Variants in ELF4 observed in about 807,000 individuals in gnomAD.
ELF4 encodes the protein ETS-related transcription factor Elf-4.
In ELF4, 10 loss-of-function variants were observed where a neutral mutation model predicts 31.7. The ratio of observed to expected loss-of-function variants is 0.32; its 90% CI spans 0.19 to 0.54. The LOEUF is 0.54. ELF4 is among the 20% of genes least tolerant of loss of function. The probability of loss-of-function intolerance (pLI) is 0.95; values close to 1 mark genes in which losing one functional copy is unlikely to be tolerated. For synonymous variants in ELF4, 208 were observed against 226.7 expected, an observed-to-expected ratio of 0.92 and a Z score of 0.74; for missense variants, 418 against 522.0, an observed-to-expected ratio of 0.80 and a Z score of 1.94.
At position 130,066,402 on chromosome X, in the gene ELF4, C is replaced by G; in HGVS notation, c.*319G>C. The stretch of plus-strand genomic sequence containing the variant: ...AGTGAGATAGAGCCAGGTAGAAGGG[C>G]TCTTCTCACAAAGCTGCTGCACAAA... On this transcript the variant is annotated 3_prime_UTR_variant, in exon 9 of 9. Transcript: ENST00000308167. The G allele has an allele frequency of 3.0e-6, 1 of 332,366 alleles. No homozygotes were observed. Among genetic ancestry groups the G allele is most frequent in the Non-Finnish European group, 5.2e-6 (1 of 190,487 alleles). 27.4% of individuals were successfully genotyped at this position (332,366 alleles called of 1,213,427 possible). A position where few individuals can be genotyped will look rare whatever the true frequency, so the allele number is the denominator to read the frequency against.
chrX:130,083,643 A>G (rs753221931), intron 1 of ELF4, among the ~76,000 whole-genome samples: 7 of 111,263 alleles, frequency 6.3e-5, no homozygotes, highest in Non-Finnish European at 1.3e-4. Context: ...GGCTACTTTT[A>G]TGTACCTTCC....
At chrX:130,089,675 C>T (rs1933022645) in intron 1 of ELF4, among the ~76,000 whole-genome samples, 1 of 111,525 alleles carries the variant, frequency 9.0e-6, no homozygotes, top group Non-Finnish European at 1.9e-5. Context: ...CAGCTAGTTG[C>T]ACTGTGACTC....
rs1778445138 is a variant in ELF4 at position 130,064,581 on chromosome X, A to C, written c.*2140T>G. On this transcript the variant is annotated 3_prime_UTR_variant, in exon 9 of 9. Coordinates refer to ENST00000308167, the MANE Select transcript of ELF4 (RefSeq NM_001421.4). ...TTGGGACTGGAGCTCTAGATTTAGG[A>C]CCCATCTCCGAGGAGCCAAAATGAG... 8.9e-6 allele frequency among the ~76,000 whole-genome samples: 1 copy of C among 111,972 alleles called. No individual in the cohort carries two copies. The highest frequency in any genetic ancestry group is 3.2e-5 in the African/African-American group (1 of 30,795).
intron 6 of ELF4, 22 bp downstream of exon 6, chrX:130,071,314 C>G: frequency 8.3e-7 from 1 of 1,211,670 alleles, no homozygotes; most frequent in Non-Finnish European, 1.1e-6. Context: ...CCCCACCTCA[C>G]CTGAGTCCCA....
At chrX:130,104,785 G>C (rs1180805627) in intron 1 of ELF4, among the ~76,000 whole-genome samples, 1 of 111,969 alleles carries the variant, frequency 8.9e-6, no homozygotes, top group Middle Eastern at 4.6e-3. Context: ...CACTGGAAGA[G>C]GAAAGGAAGC....
intron 8 of ELF4, among the ~76,000 whole-genome samples, chrX:130,067,830 T>C (rs1407057182): frequency 4.5e-5 from 5 of 109,928 alleles, no homozygotes; most frequent in African/African-American, 1.7e-4. Context: ...TTTTTTTTTT[T>C]GAGACGGAGT....
chrX:130,067,051 G>A lies in ELF4; in HGVS notation c.1662C>T (p.Ala554=), dbSNP rs1335218115. Residue 554 remains alanine (A), a synonymous_variant, in exon 9 of 9, where the codon GCC becomes GCT. Coordinates refer to ENST00000308167, the MANE Select transcript of ELF4 (RefSeq NM_001421.4). ...CAGGAACCAGCAGCCCCTCCATGGG[G>A]GCCCCCGTCACCATACCCTGAACAT... ...SSYVQGMVTG[A]PMEGLLVPEE... The A allele has an allele frequency of 5.8e-6, 7 of 1,210,734 alleles. No individual in the cohort carries two copies. In the African/African-American group the frequency reaches 7.0e-5, roughly 12 times the overall value.
intron 1 of ELF4, among the ~76,000 whole-genome samples, chrX:130,109,167 G>A (rs935283775): frequency 8.9e-6 from 1 of 112,235 alleles, no homozygotes; most frequent in South Asian, 3.7e-4. Flanking sequence ...TGGCACTCGG[G>A]CCAGGGGTCA....
chrX:130,107,696 G>A (rs977032340), intron 1 of ELF4, among the ~76,000 whole-genome samples: 1 of 112,419 alleles, frequency 8.9e-6, no homozygotes, highest in Non-Finnish European at 1.9e-5. Context: ...AGTTTTAGGC[G>A]CTGCATTAGG....
chrX:130,102,032 G>C (rs995057829), intron 1 of ELF4, among the ~76,000 whole-genome samples: 1 of 111,209 alleles, frequency 9.0e-6, no homozygotes, highest in Non-Finnish European at 1.9e-5. Context: ...TGCAATCCCA[G>C]CTACTTGGGA....
In ELF4 at chrX:130,103,167, A is replaced by C. The variant is rs147982728; in HGVS notation, c.-210+7158T>G. ...AGCACCAAAACTATGACCCATAAAA[A>C]GAAAAGTTGAAAAGTTGCACTTTCA... On this transcript the variant is annotated intron_variant, in intron 1 of 8. Transcript: ENST00000308167. Among the ~76,000 whole-genome samples, 24 of 112,528 alleles carry C rather than the reference A, an allele frequency of 2.1e-4. 1 individual carries two copies. In the East Asian group the frequency reaches 6.7e-3, roughly 31 times the overall value.
Position 130,067,416 on chromosome X carries a change from G to T in ELF4, c.1297C>A (p.Pro433Thr), listed in dbSNP as rs1202119917. 8.2e-7 allele frequency: 1 copy of T among 1,212,207 alleles called. No homozygotes were observed. The highest frequency in any genetic ancestry group is 1.1e-6 in the Non-Finnish European group (1 of 895,608). Residue 433 changes from proline to threonine, a missense_variant, in exon 9 of 9, where the codon CCT becomes ACT. Transcript: ENST00000308167. ...PLTTVLTNGP[P>T]ASTTAPTQLV... ...TGAGTGGGAGCAGTAGTACTGGCAG[G>T]AGGCCCATTGGTCAGCACCGTGGTC...
Position 130,065,556 on chromosome X carries a change from C to T in ELF4, c.*1165G>A, listed in dbSNP as rs895907201. 2 of 174,534 alleles carry T rather than the reference C, an allele frequency of 1.1e-5. No individual in the cohort carries two copies. Among genetic ancestry groups the T allele is most frequent in the African/African-American group, 5.9e-5 (2 of 34,012 alleles). The allele number at this position is 174,534 out of a possible 1,213,427, so 14.4% of individuals were successfully genotyped here. On this transcript the variant is annotated 3_prime_UTR_variant, in exon 9 of 9. Coordinates refer to ENST00000308167, the MANE Select transcript of ELF4 (RefSeq NM_001421.4). Reference sequence around the variant, plus strand: ...CGAGGTGAGTTGCAGGCAGGCTGAGCAGCAGAAACCATGTGGTAGGTGCCC... The same window carrying T: ...CGAGGTGAGTTGCAGGCAGGCTGAGTAGCAGAAACCATGTGGTAGGTGCCC...
At chrX:130,079,813 A>G (rs150813738) in intron 2 of ELF4, among the ~76,000 whole-genome samples, 3 of 112,178 alleles carry the variant, frequency 2.7e-5, no homozygotes, top group African/African-American at 9.7e-5. Context: ...CTAGAAACAA[A>G]TGGAAAATGA....
At chrX:130,111,094 G>A (rs1321613535), upstream of ELF4, among the ~76,000 whole-genome samples, 6 of 108,314 alleles carry the variant, frequency 5.5e-5, no homozygotes, top group Admixed American at 9.5e-5. Flanking sequence ...TCGCCAGCAC[G>A]GCATGGGGAG....
chrX:130,068,834 TC>T (rs758056409), intron 8 of ELF4, among the ~76,000 whole-genome samples: 1 of 112,401 alleles, frequency 8.9e-6, no homozygotes, highest in South Asian at 3.6e-4. Flanking sequence ...GCAAGTGACT[TC>T]CCCTCTCTTG....
At chrX:130,105,640 A>G (rs1310834245) in intron 1 of ELF4, among the ~76,000 whole-genome samples, 2 of 111,270 alleles carry the variant, frequency 1.8e-5, no homozygotes, top group Admixed American at 9.5e-5. Flanking sequence ...ATGAAACTCT[A>G]CATTCTTCAT....
At chrX:130,094,973 G>A (rs763502745) in intron 1 of ELF4, among the ~76,000 whole-genome samples, 3 of 111,798 alleles carry the variant, frequency 2.7e-5, no homozygotes, top group South Asian at 7.3e-4. Context: ...CTGGTGGGCC[G>A]AGGGTGGTGG....
intron 1 of ELF4, among the ~76,000 whole-genome samples, chrX:130,098,078 C>T (rs1471065901): frequency 8.9e-6 from 1 of 112,238 alleles, no homozygotes; most frequent in Non-Finnish European, 1.9e-5. Flanking sequence ...GCTCTTTCGT[C>T]ACTACAGGCT....
Sources: gnomAD v4.1 joint callset for allele counts (sites outside exome capture counted in the v4.1 genomes callset) on GRCh38, gnomAD v4.1.1 for gene constraint, MANE v1.5 for transcripts, NCBI Gene and HGNC (gene_info 2026-07-23, HGNC 2026-07-21) for gene names.